The following DMXL1 variants were observed in gnomAD, a reference collection of about 807,000 sequenced individuals.
The protein encoded by DMXL1 is dmX-like protein 1.
A neutral mutation model predicts 319.2 loss-of-function variants in DMXL1; 99 were observed. That is an observed-to-expected ratio of 0.31 (90% CI 0.26 to 0.37). The LOEUF is 0.37. Among genes scored for constraint, DMXL1 ranks in the 10% least tolerant of loss-of-function variants. The probability of loss-of-function intolerance (pLI) is 1.00; values close to 1 mark genes in which losing one functional copy is unlikely to be tolerated. For synonymous variants in DMXL1, 1,385 were observed against 1,235.2 expected (o/e 1.12, Z -2.54); for missense variants, 3,745 against 3,595.6 (o/e 1.04, Z -1.06).
chr5:119,076,710 A>T (rs1183225919), intron 1 of DMXL1, among the ~76,000 whole-genome samples: 1 of 152,186 alleles, frequency 6.6e-6, no homozygotes, highest in African/African-American at 2.4e-5. Flanking sequence ...CCAGAAAGGA[A>T]TTCTTTGGGG....
chr5:119,225,091 AT>A lies in DMXL1; in HGVS notation c.8338+325del, dbSNP rs1158295401. On this transcript the variant is annotated intron_variant, in intron 38 of 43. Coordinates refer to ENST00000539542, the MANE Select transcript of DMXL1 (RefSeq NM_001290321.3). ...ACATTTTATCTTTGAACATTTCTGGATTTCTTTGATCATGCTAAATTATAGT... is the reference window on the plus strand; with the variant it reads ...ACATTTTATCTTTGAACATTTCTGGATTCTTTGATCATGCTAAATTATAGT... Among the ~76,000 whole-genome samples the A allele has an allele frequency of 2.0e-5, 3 of 151,896 alleles. No individual in the cohort carries two copies. The East Asian group carries it at 5.8e-4, about 29-fold the overall frequency.
chr5:119,171,144 A>G lies in DMXL1; in HGVS notation c.6353A>G (p.Glu2118Gly), dbSNP rs1416940379. 2.5e-6 allele frequency: 4 copies of G among 1,613,748 alleles called. No individual in the cohort carries two copies. Among genetic ancestry groups the G allele is most frequent in the Non-Finnish European group, 8.5e-7 (1 of 1,179,834 alleles). The change falls in exon 24 of 44, where the codon GAA becomes GGA. Residue 2118 changes from glutamate (E) to glycine (G), a missense_variant. Physicochemically the swap from Glu to Gly is moderately conservative, Grantham distance 98. Coordinates refer to ENST00000539542, the MANE Select transcript of DMXL1 (RefSeq NM_001290321.3). ...AAACAACTGAGAGAAAATTTTCAGG[A>G]AAAAAGACAGTGGCTCTTGAAGTAT... ...KVKQLRENFQEKRQWLLKYQS... is the reference protein window; with the variant it reads ...KVKQLRENFQGKRQWLLKYQS...
intron 4 of DMXL1, among the ~76,000 whole-genome samples, chr5:119,108,872 A>G (rs1031601344): frequency 1.5e-4 from 22 of 151,282 alleles, no homozygotes; most frequent in Non-Finnish European, 1.8e-4. Flanking sequence ...TGTGATCTCA[A>G]CTCACTGCAA....
chr5:119,159,006 T>G (rs1771682656), intron 19 of DMXL1, among the ~76,000 whole-genome samples: 1 of 152,226 alleles, frequency 6.6e-6, no homozygotes, highest in South Asian at 2.1e-4. Context: ...AGAGGAACTT[T>G]TCTTTCCTTT....
intron 10 of DMXL1, among the ~76,000 whole-genome samples, chr5:119,131,710 A>G (rs2150039829): frequency 6.6e-6 from 1 of 152,318 alleles, no homozygotes; most frequent in Non-Finnish European, 1.5e-5. Context: ...TTCCAGTTTA[A>G]TATTAGGTCT....
intron 3 of DMXL1, chr5:119,104,282 T>C (rs1757876419): frequency 6.6e-6 from 1 of 152,334 alleles, no homozygotes; most frequent in South Asian, 2.1e-4. Context: ...TTCTGGTATG[T>C]ACTGTGATTG....
At chr5:119,072,788 G>A (rs1165501921) in intron 1 of DMXL1, among the ~76,000 whole-genome samples, 1 of 152,132 alleles carries the variant, frequency 6.6e-6, no homozygotes, top group African/African-American at 2.4e-5. Context: ...CTCCCCTTTA[G>A]ATTGACTCAT....
At position 119,178,143 on chromosome 5, in the gene DMXL1, G is replaced by A. The variant is rs780949381; in HGVS notation, c.7034G>A (p.Arg2345Gln). 29 of 1,613,848 alleles carry A rather than the reference G, an allele frequency of 1.8e-5. No individual in the cohort carries two copies. In the East Asian group the frequency reaches 3.8e-4, roughly 21 times the overall value. The stretch of plus-strand genomic sequence containing the variant: ...ACACATTCAAGTAATGAGCTATTTC[G>A]GATTGTGGCCCATCCTCTAAATGAG... ...LATHSSNELF[R>Q]IVAHPLNEKM... The change falls in exon 28 of 44, where the codon CGG (arginine) becomes CAG (glutamine). Residue 2345 changes from arginine to glutamine, a missense_variant. Arg to Gln is a conservative substitution (Grantham distance 43). Around this residue, in one of 4 missense-constraint regions of DMXL1, gnomAD observed 1,382 missense variants for 1,269.5 expected, o/e 1.09. Coordinates refer to ENST00000539542, the MANE Select transcript of DMXL1 (RefSeq NM_001290321.3).
Position 119,071,318 on chromosome 5 carries a change from G to T in DMXL1, c.-252G>T. 4.0e-6 allele frequency: 2 copies of T among 502,096 alleles called. No individual in the cohort carries two copies. The highest frequency in any genetic ancestry group is 7.0e-6 in the Non-Finnish European group (2 of 283,884). The allele number at this position is 502,096 out of a possible 1,614,324, so 31.1% of individuals were successfully genotyped here. A position where few individuals can be genotyped will look rare whatever the true frequency, so the allele number is the denominator to read the frequency against. On this transcript the variant is annotated 5_prime_UTR_variant, in exon 1 of 44. Transcript: ENST00000539542. ...CCTGAGCTTCACCTGGGCTAGCGCG[G>T]GGAGTGACAGGTGCGCGAAGGAGCG... is the stretch of plus-strand genomic sequence containing the variant.
intron 34 of DMXL1, among the ~76,000 whole-genome samples, chr5:119,211,599 G>A (rs1041168456): frequency 6.6e-6 from 1 of 152,068 alleles, no homozygotes; most frequent in Non-Finnish European, 1.5e-5. Flanking sequence ...GTCTTCTTTA[G>A]TATTTATATT....
chr5:119,227,570 A>G (rs778210000), intron 38 of DMXL1, among the ~76,000 whole-genome samples: 1 of 151,946 alleles, frequency 6.6e-6, no homozygotes, highest in African/African-American at 2.4e-5. Flanking sequence ...TAAGGCAACC[A>G]TGTAAGGGAC....
chr5:119,112,843 G>T (rs9968708), intron 5 of DMXL1, among the ~76,000 whole-genome samples: 1 of 152,048 alleles, frequency 6.6e-6, no homozygotes, highest in Admixed American at 6.6e-5. Flanking sequence ...TGTAATCCCA[G>T]CTACTTGGGA....
In DMXL1 at chr5:119,149,784, C is replaced by T. The variant is rs116362134; in HGVS notation, c.3957C>T (p.Ser1319=). Residue 1319 remains serine, a synonymous_variant, in exon 18 of 44, where the codon TCC becomes TCT. Transcript: ENST00000539542. Reference sequence around the variant, plus strand: ...TTTTTGAAGCAGCTCATGTACTTTCCCCGACTCTACCTCAGTATCATCCCT... The same window carrying T: ...TTTTTGAAGCAGCTCATGTACTTTCTCCGACTCTACCTCAGTATCATCCCT... ...SGLFEAAHVL[S]PTLPQYHPLQ... The T allele has an allele frequency of 1.0e-3, 1,659 of 1,613,892 alleles. 9 individuals carry two copies. In the African/African-American group the frequency reaches 0.02, roughly 19 times the overall value.
chr5:119,091,445 C>A (rs1213831589), intron 1 of DMXL1, among the ~76,000 whole-genome samples: 1 of 152,140 alleles, frequency 6.6e-6, no homozygotes, highest in Non-Finnish European at 1.5e-5. Context: ...CTCCTAGGCT[C>A]AAGGGATCCT....
chr5:119,120,854 A>G (rs979160039), intron 8 of DMXL1, 117 bp from the exon 9 acceptor site: 18 of 812,096 alleles, frequency 2.2e-5, no homozygotes, highest in Non-Finnish European at 3.0e-5. Flanking sequence ...GTTTTTACAT[A>G]TAAAACATGT....
At chr5:119,163,724 G>A (rs1309607166) in intron 19 of DMXL1, among the ~76,000 whole-genome samples, 1 of 152,198 alleles carries the variant, frequency 6.6e-6, no homozygotes, top group Admixed American at 6.5e-5. Context: ...GAGTAGCTGG[G>A]ACTACCATGC....
chr5:119,221,354 C>A (rs907120053), intron 37 of DMXL1, among the ~76,000 whole-genome samples: 1 of 152,128 alleles, frequency 6.6e-6, no homozygotes, highest in Non-Finnish European at 1.5e-5. Flanking sequence ...CAGGCTTCAG[C>A]AAGGTGTTCC....
intron 13 of DMXL1, among the ~76,000 whole-genome samples, chr5:119,137,928 A>G (rs1175293680): frequency 6.6e-6 from 1 of 152,184 alleles, no homozygotes; most frequent in African/African-American, 2.4e-5. Context: ...AAAGTCGGAA[A>G]GTTAGCCTGG....
Position 119,134,126 on chromosome 5 carries a change from T to A in DMXL1, c.2202T>A (p.Ser734=). ...ELARINSLHV[S]AFSNVAWLPT... ...CCCGGATTAATTCTCTTCATGTTTC[T>A]GCCTTTTCCAATGTGGCATGGCTGC... is the stretch of plus-strand genomic sequence containing the variant. Residue 734 remains serine (S), a synonymous_variant, in exon 12 of 44, where the codon TCT becomes TCA. Transcript: ENST00000539542. The A allele has an allele frequency of 6.2e-7, 1 of 1,614,078 alleles. No homozygotes were observed.
Sources: allele counts gnomAD v4.1 joint callset (sites outside exome capture counted in the v4.1 genomes callset), GRCh38; gene constraint gnomAD v4.1.1; regional missense constraint gnomAD v4.1.1; transcripts MANE v1.5; gene names NCBI Gene and HGNC (gene_info 2026-07-23, HGNC 2026-07-21).